The following CCDC3 variants were observed in gnomAD, a reference collection of about 807,000 sequenced individuals.
The protein encoded by CCDC3 is coiled-coil domain containing 3.
A neutral mutation model predicts 21.4 loss-of-function variants in CCDC3; 24 were observed. That is an observed-to-expected ratio of 1.12 (90% CI 0.81 to 1.58). The LOEUF is 1.58. Ranked by LOEUF, CCDC3 falls within the 40% of genes most tolerant of loss-of-function variation. CCDC3 has a pLI of 0.00. For missense variants in CCDC3, 425 were observed against 360.9 expected (o/e 1.18, Z -1.44); for synonymous variants, 186 against 166.0 (o/e 1.12, Z -0.93).
intron 5 of CCDC3, among the ~76,000 whole-genome samples, chr10:13,042,454 T>G (rs964897893): frequency 1.3e-5 from 2 of 152,236 alleles, no homozygotes; most frequent in African/African-American, 2.4e-5. Flanking sequence ...TGAGGTTGGT[T>G]ATCCGGTATG....
intron 2 of CCDC3, among the ~76,000 whole-genome samples, chr10:12,949,113 C>G (rs74118934): frequency 2.0e-3 from 297 of 152,208 alleles, no homozygotes; most frequent in African/African-American, 6.8e-3. Flanking sequence ...TGGGAGCAAA[C>G]ACTGCTGGTT....
intron 5 of CCDC3, among the ~76,000 whole-genome samples, chr10:13,025,744 G>A (rs1452847642): frequency 6.6e-6 from 1 of 152,032 alleles, no homozygotes; most frequent in East Asian, 1.9e-4. Flanking sequence ...CTTAGCTTTT[G>A]TAACTTGAGT....
chr10:13,051,671 G>A (rs933769354), intron 4 of CCDC3, among the ~76,000 whole-genome samples: 69 of 152,140 alleles, frequency 4.5e-4, no homozygotes, highest in African/African-American at 1.4e-3. Context: ...TCTAAAGTCT[G>A]GGCAAGGCTG....
At chr10:13,074,561 A>ACTCTCC (rs1384240245) in intron 3 of CCDC3, among the ~76,000 whole-genome samples, 2 of 146,718 alleles carry the variant, frequency 1.4e-5, no homozygotes, top group Non-Finnish European at 3.0e-5. Context: ...ACTTGAACTA[A>ACTCTCC]CTCTCCCTCC....
intron 2 of CCDC3, among the ~76,000 whole-genome samples, chr10:12,954,791 A>G (rs1014943370): frequency 6.6e-6 from 1 of 152,246 alleles, no homozygotes; most frequent in Non-Finnish European, 1.5e-5. Context: ...TGGAGGGGAC[A>G]AACCAAACTA....
chr10:12,983,964 C>G (rs1373281219), intron 2 of CCDC3, among the ~76,000 whole-genome samples: 1 of 152,186 alleles, frequency 6.6e-6, no homozygotes, highest in African/African-American at 2.4e-5. Flanking sequence ...CCTGTAATCT[C>G]AGCTACTTGG....
chr10:12,949,174 C>T lies in CCDC3; in HGVS notation c.549+49164G>A, dbSNP rs60809113. ...CAACTGCCAGTGTTCCCCTTGTTTCCTCCTTAGTAAAAGCTGCTAAGAGAA... is the reference window on the plus strand; with the variant it reads ...CAACTGCCAGTGTTCCCCTTGTTTCTTCCTTAGTAAAAGCTGCTAAGAGAA... On this transcript the variant is annotated intron_variant, in intron 2 of 2. Coordinates refer to ENST00000378825, the MANE Select transcript of CCDC3 (RefSeq NM_031455.4). Among the ~76,000 whole-genome samples, 457 of 152,278 alleles carry T rather than the reference C, an allele frequency of 3.0e-3. 4 individuals are homozygous for T. Among genetic ancestry groups the T allele is most frequent in the African/African-American group, 0.011 (438 of 41,542 alleles).
chr10:12,941,920 G>A (rs190887477), intron 2 of CCDC3, among the ~76,000 whole-genome samples: 1 of 152,292 alleles, frequency 6.6e-6, no homozygotes, highest in East Asian at 1.9e-4. Flanking sequence ...CTAAAGAATG[G>A]AGACGGCCTT....
intron 5 of CCDC3, among the ~76,000 whole-genome samples, chr10:13,029,561 C>T (rs532130528): frequency 2.6e-5 from 4 of 152,154 alleles, no homozygotes; most frequent in African/African-American, 4.8e-5. Flanking sequence ...GGAGGATGTC[C>T]GAACCCATCG....
At chr10:12,919,337 C>A (rs1360943349) in intron 2 of CCDC3, among the ~76,000 whole-genome samples, 1 of 152,106 alleles carries the variant, frequency 6.6e-6, no homozygotes, top group African/African-American at 2.4e-5. Flanking sequence ...CGCCTGTAAT[C>A]CCAGCACTTT....
intron 3 of CCDC3, among the ~76,000 whole-genome samples, chr10:13,080,056 G>A (rs886211997): frequency 6.6e-6 from 1 of 152,228 alleles, no homozygotes; most frequent in African/African-American, 2.4e-5. Context: ...CTGGCCCAGG[G>A]TTAACGACTC....
intron 3 of CCDC3, among the ~76,000 whole-genome samples, chr10:13,092,871 T>C (rs1012250572): frequency 3.9e-5 from 6 of 152,230 alleles, no homozygotes; most frequent in Non-Finnish European, 5.9e-5. Flanking sequence ...TCCTGGCCTA[T>C]AACAGGGGAG....
intron 2 of CCDC3, among the ~76,000 whole-genome samples, chr10:12,922,171 T>G (rs1834461632): frequency 6.6e-6 from 1 of 152,246 alleles, no homozygotes; most frequent in African/African-American, 2.4e-5. Flanking sequence ...CTTTACACAC[T>G]GACTTCCACT....
At chr10:12,923,983 T>C (rs1834495097) in intron 2 of CCDC3, among the ~76,000 whole-genome samples, 4 of 152,204 alleles carry the variant, frequency 2.6e-5, no homozygotes, top group Admixed American at 2.0e-4. Flanking sequence ...TCACCTTTGA[T>C]AGGTGAATGA....
chr10:12,932,508 C>G (rs1834662734), intron 2 of CCDC3, among the ~76,000 whole-genome samples: 1 of 152,184 alleles, frequency 6.6e-6, no homozygotes, highest in South Asian at 2.1e-4. Context: ...TGACTTTTGT[C>G]TGTTACCTGT....
At chr10:12,961,882 A>C (rs1235944506) in intron 2 of CCDC3, among the ~76,000 whole-genome samples, 1 of 152,034 alleles carries the variant, frequency 6.6e-6, no homozygotes, top group Non-Finnish European at 1.5e-5. Context: ...AAATACCCCC[A>C]CTGACCCATT....
intron 2 of CCDC3, among the ~76,000 whole-genome samples, chr10:12,978,891 T>C (rs1835456585): frequency 6.6e-6 from 1 of 152,114 alleles, no homozygotes; most frequent in South Asian, 2.1e-4. Flanking sequence ...GTAAATGCAA[T>C]CTCAGGACCC....
At chr10:12,991,430 C>T (rs1035807384) in intron 2 of CCDC3, among the ~76,000 whole-genome samples, 1 of 152,090 alleles carries the variant, frequency 6.6e-6, no homozygotes, top group Non-Finnish European at 1.5e-5. Flanking sequence ...AAGCGATCCT[C>T]CTGCCTCAGC....
intron 2 of CCDC3, among the ~76,000 whole-genome samples, chr10:12,915,061 T>C (rs1187430310): frequency 2.0e-5 from 3 of 152,214 alleles, no homozygotes; most frequent in African/African-American, 7.2e-5. Flanking sequence ...CATGACACTT[T>C]AAACATTTTT....
Sources: allele counts gnomAD v4.1 joint callset (sites outside exome capture counted in the v4.1 genomes callset), GRCh38; gene constraint gnomAD v4.1.1; transcripts MANE v1.5; gene names NCBI Gene and HGNC (gene_info 2026-07-23, HGNC 2026-07-21).